PSKH1: variants seen among roughly 807,000 people sequenced by gnomAD.
PSKH1 encodes the protein protein serine kinase H1.
Under a neutral mutation model 26.7 loss-of-function variants are expected in PSKH1, and 12 were observed. The ratio of observed to expected loss-of-function variants is 0.45; its 90% CI spans 0.29 to 0.73. The LOEUF is 0.73. Among genes scored for constraint, PSKH1 ranks in the 30% least tolerant of loss-of-function variants. The probability of loss-of-function intolerance (pLI) is 0.11; values close to 1 mark genes in which losing one functional copy is unlikely to be tolerated. For synonymous variants in PSKH1, 213 were observed against 234.3 expected (o/e 0.91, Z 0.83); for missense variants, 431 against 595.2 (o/e 0.72, Z 2.87).
chr16:67,918,168 C>T (rs1465505930), intron 2 of PSKH1, among the ~76,000 whole-genome samples: 1 of 152,172 alleles, frequency 6.6e-6, no homozygotes, highest in Non-Finnish European at 1.5e-5. Flanking sequence ...AATGTGACAT[C>T]CTTGATGTCA....
In PSKH1 at chr16:67,908,328, G is replaced by A. The variant is rs147061259; in HGVS notation, c.-70-352G>A. The stretch of plus-strand genomic sequence containing the variant: ...TCTGTCACCCAGGCTGGAGTGCAGT[G>A]GTGCAATCTCAGCTCACTGCAGCCT... On this transcript the variant is annotated intron_variant, in intron 1 of 2. Coordinates refer to ENST00000291041, the MANE Select transcript of PSKH1 (RefSeq NM_006742.3). Among the ~76,000 whole-genome samples the A allele has an allele frequency of 6.5e-3, 994 of 152,254 alleles. 15 individuals carry two copies. The highest frequency in any genetic ancestry group is 0.022 in the African/African-American group (921 of 41,564).
intron 1 of PSKH1, among the ~76,000 whole-genome samples, chr16:67,901,677 C>T (rs2058142577): frequency 6.7e-6 from 1 of 150,312 alleles, no homozygotes; most frequent in African/African-American, 2.5e-5. Context: ...CTCTGTTGCC[C>T]AGGCTGGAGT....
intron 2 of PSKH1, among the ~76,000 whole-genome samples, chr16:67,911,032 T>C: frequency 6.7e-6 from 1 of 149,048 alleles, no homozygotes; most frequent in South Asian, 2.1e-4. Flanking sequence ...TTAGGAAGGA[T>C]GCTGACTGGG....
chr16:67,913,209 C>T (rs2058178000), intron 2 of PSKH1, among the ~76,000 whole-genome samples: 1 of 151,850 alleles, frequency 6.6e-6, no homozygotes, highest in Non-Finnish European at 1.5e-5. Context: ...TGCAGGGGTG[C>T]GATCTTGGCT....
intron 1 of PSKH1, among the ~76,000 whole-genome samples, chr16:67,898,734 T>A (rs1301193883): frequency 1.3e-5 from 2 of 151,556 alleles, no homozygotes; most frequent in South Asian, 2.1e-4. Flanking sequence ...AGCAGTTCCC[T>A]GCCTCAGCCT....
In PSKH1 at chr16:67,909,089, C is replaced by A. The variant is rs1209473224; in HGVS notation, c.340C>A (p.Arg114Ser). 1.2e-6 allele frequency: 2 copies of A among 1,614,152 alleles called. No homozygotes were observed. The highest frequency in any genetic ancestry group is 1.7e-6 in the Non-Finnish European group (2 of 1,180,032). ...IGRGSFSRVV[R>S]VEHRATRQPY... ...CCGAGGCAGCTTCAGCCGAGTGGTACGTGTAGAGCACCGGGCAACCCGGCA... is the reference window on the plus strand; with the variant it reads ...CCGAGGCAGCTTCAGCCGAGTGGTAAGTGTAGAGCACCGGGCAACCCGGCA... The change falls in exon 2 of 3, where the codon CGT becomes AGT. Residue 114 changes from arginine to serine, a missense_variant. Transcript: ENST00000291041. The surrounding 1 kb of genome is among the most constrained non-coding windows in gnomAD (Gnocchi z 7.8).
At chr16:67,896,772 G>A (rs1040946081) in intron 1 of PSKH1, among the ~76,000 whole-genome samples, 1 of 152,088 alleles carries the variant, frequency 6.6e-6, no homozygotes, top group Non-Finnish European at 1.5e-5. Context: ...TAAGCATATT[G>A]TCTAGGTCTA....
intron 2 of PSKH1, among the ~76,000 whole-genome samples, chr16:67,924,242 G>C (rs1414568184): frequency 6.6e-6 from 1 of 152,238 alleles, no homozygotes; most frequent in Admixed American, 6.5e-5. Flanking sequence ...CTGCCAGAGA[G>C]GCCAGGCCAG....
At chr16:67,893,805 A>T (rs1341755365) in intron 1 of PSKH1, among the ~76,000 whole-genome samples, 2 of 152,306 alleles carry the variant, frequency 1.3e-5, no homozygotes, top group South Asian at 4.1e-4. Flanking sequence ...TTCCTTGTGC[A>T]GGCTGGGAAA....
intron 1 of PSKH1, among the ~76,000 whole-genome samples, chr16:67,903,788 G>T (rs2058148145): frequency 6.7e-6 from 1 of 148,336 alleles, no homozygotes; most frequent in Non-Finnish European, 1.5e-5. Flanking sequence ...CAACATGGAA[G>T]TTCTGCTGCT....
chr16:67,919,152 T>G (rs574294073), intron 2 of PSKH1, among the ~76,000 whole-genome samples: 8 of 152,080 alleles, frequency 5.3e-5, no homozygotes, highest in Non-Finnish European at 1.0e-4. Context: ...GGAGACCAAA[T>G]GTATATGCTG....
At chr16:67,914,564 C>G (rs1365497404) in intron 2 of PSKH1, among the ~76,000 whole-genome samples, 1 of 152,142 alleles carries the variant, frequency 6.6e-6, no homozygotes, top group Admixed American at 6.5e-5. Context: ...CAGCGATTCT[C>G]CTGCCTCAGC....
chr16:67,895,432 G>A (rs926101030), intron 1 of PSKH1, among the ~76,000 whole-genome samples: 1 of 149,280 alleles, frequency 6.7e-6, no homozygotes, highest in African/African-American at 2.5e-5. Context: ...TTTCTGAGAT[G>A]GAGTCTTGCT....
Position 67,909,114 on chromosome 16 carries a change from A to ATCCAG in PSKH1, c.365_366insTCCAG (p.Gln122HisfsTer9). 1 of 1,613,650 alleles carries ATCCAG rather than the reference A, an allele frequency of 6.2e-7. No homozygotes were observed. The highest frequency in any genetic ancestry group is 8.5e-7 in the Non-Finnish European group (1 of 1,179,860). ...CGTGTAGAGCACCGGGCAACCCGGC[A>ATCCAG]GCCGTATGCCATCAAGATGATTGAG... is the stretch of plus-strand genomic sequence containing the variant. On this transcript the variant is annotated frameshift_variant, in exon 2 of 3. Coordinates refer to ENST00000291041, the MANE Select transcript of PSKH1 (RefSeq NM_006742.3). LOFTEE classifies it high-confidence loss of function. The surrounding 1 kb of genome is among the most constrained non-coding windows in gnomAD (Gnocchi z 7.8).
At chr16:67,912,694 C>A (rs899820682) in intron 2 of PSKH1, among the ~76,000 whole-genome samples, 1 of 152,088 alleles carries the variant, frequency 6.6e-6, no homozygotes, top group Non-Finnish European at 1.5e-5. Flanking sequence ...CATGGTGAAA[C>A]CCCGTCTCTA....
In PSKH1 at chr16:67,909,010, G is replaced by T; in HGVS notation, c.261G>T (p.Arg87Ser). 1 of 1,614,142 alleles carries T rather than the reference G, an allele frequency of 6.2e-7. No homozygotes were observed. The highest frequency in any genetic ancestry group is 8.5e-7 in the Non-Finnish European group (1 of 1,180,014). Reference protein sequence around the residue: ...PPRRARVAKYRAKFDPRVTAK... With the variant: ...PPRRARVAKYSAKFDPRVTAK... ...GCAGGGCCAGGGTAGCTAAGTACAG[G>T]GCCAAGTTTGACCCACGTGTTACAG... The change falls in exon 2 of 3, where the codon AGG becomes AGT. Residue 87 changes from arginine to serine, a missense_variant. Transcript: ENST00000291041. The surrounding 1 kb of genome is among the most constrained non-coding windows in gnomAD (Gnocchi z 7.8).
rs917345829 is a variant in PSKH1 at position 67,929,624 on chromosome 16, T to C, written c.*1982T>C. 7.3e-6 allele frequency: 3 copies of C among 411,372 alleles called. No homozygotes were observed. The highest frequency in any genetic ancestry group is 1.3e-5 in the Non-Finnish European group (3 of 222,908). 25.5% of individuals were successfully genotyped at this position (411,372 alleles called of 1,614,324 possible). A position where few individuals can be genotyped will look rare whatever the true frequency, so the allele number is the denominator to read the frequency against. Reference sequence around the variant, plus strand: ...GCGTATTCAGTTTGTAAACGTATCCTCTGTATTCAGTAAACAGGCTGCCTC... The same window carrying C: ...GCGTATTCAGTTTGTAAACGTATCCCCTGTATTCAGTAAACAGGCTGCCTC... On this transcript the variant is annotated 3_prime_UTR_variant, in exon 3 of 3. Transcript: ENST00000291041.
intron 1 of PSKH1, among the ~76,000 whole-genome samples, chr16:67,899,614 C>T (rs1363550769): frequency 6.6e-6 from 1 of 151,918 alleles, no homozygotes; most frequent in East Asian, 1.9e-4. Flanking sequence ...GGATTACAGG[C>T]ATGAGCCACT....
intron 2 of PSKH1, among the ~76,000 whole-genome samples, chr16:67,913,199 T>C (rs1250601236): frequency 2.6e-5 from 4 of 151,482 alleles, no homozygotes; most frequent in Admixed American, 6.6e-5. Flanking sequence ...CAGGCTGGAG[T>C]GCAGGGGTGC....
Sources: gnomAD v4.1 joint callset for allele counts (sites outside exome capture counted in the v4.1 genomes callset) on GRCh38, gnomAD v4.1.1 for gene constraint, Gnocchi (gnomAD v3.1) non-coding constraint, MANE v1.5 for transcripts, NCBI Gene and HGNC (gene_info 2026-07-23, HGNC 2026-07-21) for gene names.